The following PALLD variants were observed in gnomAD, a reference collection of about 807,000 sequenced individuals.
The protein encoded by PALLD is palladin, cytoskeletal associated protein, also known as palladin.
Under a neutral mutation model 123.5 loss-of-function variants are expected in PALLD, and 61 were observed. The observed-to-expected ratio is 0.49, with a 90% CI of 0.40 to 0.61. The LOEUF is 0.61. PALLD is among the 20% of genes least tolerant of loss of function. PALLD has a pLI of 0.00. For missense variants in PALLD, 1,273 were observed against 1,377.0 expected (o/e 0.92, Z 1.20); for synonymous variants, 465 against 496.4 (o/e 0.94, Z 0.84).
In PALLD at chr4:168,773,173, G is replaced by C. The variant is rs139296482; in HGVS notation, c.1964+61250G>C. On this transcript the variant is annotated intron_variant, in intron 10 of 21. Transcript: ENST00000505667. ...TACCTGTTTGAAATTATATTGTTTA[G>C]AATATAACAATAACAGTGAAATTAA... is the stretch of plus-strand genomic sequence containing the variant. Among the ~76,000 whole-genome samples the C allele has an allele frequency of 4.4e-3, 671 of 152,196 alleles. 2 individuals are homozygous for C. Among genetic ancestry groups the C allele is most frequent in the Non-Finnish European group, 5.8e-3 (392 of 68,006 alleles).
intron 10 of PALLD, among the ~76,000 whole-genome samples, chr4:168,872,189 G>C (rs925330521): frequency 2.6e-5 from 4 of 152,182 alleles, no homozygotes; most frequent in African/African-American, 9.7e-5. Context: ...TCGGTACGTG[G>C]AATGACTTCA....
chr4:168,663,286 G>C (rs930829474), intron 2 of PALLD, among the ~76,000 whole-genome samples: 1 of 152,208 alleles, frequency 6.6e-6, no homozygotes, highest in Admixed American at 6.5e-5. Flanking sequence ...TGCAGGGGAC[G>C]TGCCAGGGTC....
Position 168,661,093 on chromosome 4 carries a change from C to T in PALLD, c.909-7097C>T, listed in dbSNP as rs750503436. On this transcript the variant is annotated intron_variant, in intron 2 of 21. Coordinates refer to ENST00000505667, the MANE Select transcript of PALLD (RefSeq NM_001166108.2). The stretch of plus-strand genomic sequence containing the variant: ...CTAATTTTTGTATTTTTAGTAGAGA[C>T]GGGGTTTCACCATGCTGGCCAGGCT... Among the ~76,000 whole-genome samples the T allele has an allele frequency of 4.0e-5, 6 of 151,788 alleles. No individual in the cohort carries two copies. In the South Asian group the frequency reaches 8.3e-4, roughly 21 times the overall value.
intron 2 of PALLD, among the ~76,000 whole-genome samples, chr4:168,517,657 G>T (rs1283305841): frequency 2.0e-5 from 3 of 152,096 alleles, no homozygotes; most frequent in African/African-American, 7.2e-5. Flanking sequence ...AGAAAATATG[G>T]TATCTCCCAT....
In PALLD at chr4:168,509,190, T is replaced by C. The variant is rs187932869; in HGVS notation, c.-82-2233T>C. On this transcript the variant is annotated intron_variant, in intron 1 of 21. Transcript: ENST00000505667. ...ATAGATATACAAATGATTTTTTTTC[T>C]AGTAGAAATGCTATAGTTTTCCACT... Among the ~76,000 whole-genome samples, 35 of 152,314 alleles carry C rather than the reference T, an allele frequency of 2.3e-4. No homozygotes were observed. The East Asian group carries it at 4.2e-3, about 18-fold the overall frequency.
chr4:168,904,132 T>C (rs1757125848), intron 15 of PALLD: 3 of 540,904 alleles, frequency 5.5e-6, no homozygotes, highest in Admixed American at 3.0e-5. Flanking sequence ...ACAAATATTA[T>C]TAAGGGTCTA....
rs774007682 is a variant in PALLD at position 168,681,280 on chromosome 4, T to G, written c.1088-52T>G. ...GGGAAATATAATTCTTTGCAATTAT[T>G]ATAGATAACACTGATATCTTAACTT... On this transcript the variant is annotated intron_variant, in intron 3 of 21. Transcript: ENST00000505667. 4 of 1,043,342 alleles carry G rather than the reference T, an allele frequency of 3.8e-6. No individual in the cohort carries two copies. The East Asian group carries it at 9.5e-5, about 25-fold the overall frequency. The allele number at this position is 1,043,342 out of a possible 1,614,324, so 64.6% of individuals were successfully genotyped here. A position where few individuals can be genotyped will look rare whatever the true frequency, so the allele number is the denominator to read the frequency against.
intron 10 of PALLD, among the ~76,000 whole-genome samples, chr4:168,815,527 T>C (rs1473422054): frequency 2.0e-5 from 3 of 152,216 alleles, no homozygotes; most frequent in Non-Finnish European, 4.4e-5. Context: ...CTTTGGGAAT[T>C]TCATAAGCTA....
intron 10 of PALLD, among the ~76,000 whole-genome samples, chr4:168,725,636 C>T (rs1347413191): frequency 4.1e-5 from 6 of 146,326 alleles, no homozygotes; most frequent in Non-Finnish European, 8.9e-5. Flanking sequence ...ACGCCATTCT[C>T]CTGCCTCAGC....
chr4:168,907,113 A>C (rs774631606), intron 15 of PALLD, among the ~76,000 whole-genome samples: 3 of 151,816 alleles, frequency 2.0e-5, no homozygotes, highest in Non-Finnish European at 4.4e-5. Context: ...CCCTCGTAAA[A>C]TGAGGATGAT....
chr4:168,851,571 C>T (rs71622315), intron 10 of PALLD, among the ~76,000 whole-genome samples: 12,614 of 152,044 alleles, frequency 0.083, 604 homozygotes, highest in South Asian at 0.17. Flanking sequence ...TTTCACCATG[C>T]TGGCCAGGCT....
intron 2 of PALLD, among the ~76,000 whole-genome samples, chr4:168,632,701 T>C (rs1012669388): frequency 6.6e-6 from 1 of 152,224 alleles, no homozygotes; most frequent in Non-Finnish European, 1.5e-5. Flanking sequence ...ATGGAAAGAC[T>C]GAAAAACTGA....
At position 168,779,689 on chromosome 4, in the gene PALLD, G is replaced by C. The variant is rs114582533; in HGVS notation, c.1964+67766G>C. Among the ~76,000 whole-genome samples the C allele has an allele frequency of 5.8e-3, 889 of 152,066 alleles. 11 individuals carry two copies. The highest frequency in any genetic ancestry group is 0.02 in the African/African-American group (815 of 41,494). ...TTGTATTTTCTACCCACTTAGGGGA[G>C]ACTACAATTATATAAAAGTTGCTAT... On this transcript the variant is annotated intron_variant, in intron 10 of 21. Transcript: ENST00000505667.
chr4:168,663,882 A>C (rs1779369296), intron 2 of PALLD, among the ~76,000 whole-genome samples: 1 of 152,228 alleles, frequency 6.6e-6, no homozygotes. Flanking sequence ...AACTTTTAAA[A>C]TTGATCCATA....
chr4:168,647,650 G>T (rs1777601620), intron 2 of PALLD, among the ~76,000 whole-genome samples: 1 of 151,984 alleles, frequency 6.6e-6, no homozygotes, highest in Non-Finnish European at 1.5e-5. Flanking sequence ...GCATGGTAGT[G>T]CACACCTGTA....
chr4:168,924,125 A>G (rs1445123439), intron 18 of PALLD, 130 bp from the exon 19 acceptor site: 3 of 760,902 alleles, frequency 3.9e-6, no homozygotes, highest in South Asian at 3.2e-5. Context: ...GGGGACTAGC[A>G]TCTTACCACC....
chr4:168,497,683 G>A (rs999188099), intron 1 of PALLD, among the ~76,000 whole-genome samples: 15 of 152,256 alleles, frequency 9.9e-5, no homozygotes, highest in African/African-American at 2.6e-4. Context: ...GTAACTCACT[G>A]GACATAATTA....
intron 2 of PALLD, among the ~76,000 whole-genome samples, chr4:168,514,579 G>T (rs951625775): frequency 1.1e-4 from 16 of 152,212 alleles, no homozygotes; most frequent in African/African-American, 3.1e-4. Flanking sequence ...TATACATGAA[G>T]AATTTGTTTC....
chr4:168,741,345 T>TGTGTG (rs56865130), intron 10 of PALLD, among the ~76,000 whole-genome samples: 8,489 of 89,928 alleles, frequency 0.094, 255 homozygotes, highest in South Asian at 0.18. Flanking sequence ...TATTTGTTTT[T>TGTGTG]TTTGTGTGTG....
Sources: allele counts gnomAD v4.1 joint callset (sites outside exome capture counted in the v4.1 genomes callset), GRCh38; gene constraint gnomAD v4.1.1; transcripts MANE v1.5; gene names NCBI Gene and HGNC (gene_info 2026-07-23, HGNC 2026-07-21).